The following METTL16 variants were observed in gnomAD, a reference collection of about 807,000 sequenced individuals.
METTL16 encodes methyltransferase 16, RNA N6-adenosine.
Under a neutral mutation model 57.9 loss-of-function variants are expected in METTL16, and 19 were observed. The ratio of observed to expected loss-of-function variants is 0.33; its 90% confidence interval spans 0.23 to 0.48. The LOEUF (loss-of-function observed/expected upper bound fraction) is 0.48. Ranked by LOEUF, METTL16 falls within the 20% of genes least tolerant of loss-of-function variation. The probability of loss-of-function intolerance (pLI) is 0.99; values close to 1 mark genes in which losing one functional copy is unlikely to be tolerated. For synonymous variants in METTL16, 246 were observed against 255.6 expected, an observed-to-expected ratio of 0.96 and a Z score of 0.36; for missense variants, 434 against 691.5, an observed-to-expected ratio of 0.63 and a Z score of 4.18.
intron 6 of METTL16, among the ~76,000 whole-genome samples, chr17:2,461,503 GT>G (rs2067149714): frequency 6.6e-6 from 1 of 151,882 alleles, no homozygotes; most frequent in South Asian, 2.1e-4. Context: ...GATTGAAAAG[GT>G]AGTAGTAGCT....
chr17:2,421,628 T>C (rs1219124126), intron 8 of METTL16, among the ~76,000 whole-genome samples: 2 of 152,136 alleles, frequency 1.3e-5, no homozygotes, highest in African/African-American at 4.8e-5. Context: ...TCATGACAAC[T>C]CGAGGACCCT....
intron 8 of METTL16, among the ~76,000 whole-genome samples, chr17:2,432,079 G>A (rs2066877397): frequency 6.6e-6 from 1 of 152,038 alleles, no homozygotes; most frequent in Admixed American, 6.5e-5. Context: ...GGGGTAGCTG[G>A]GACTATAGGC....
intron 5 of METTL16, among the ~76,000 whole-genome samples, chr17:2,466,380 C>T (rs1376552292): frequency 6.6e-6 from 1 of 152,076 alleles, no homozygotes; most frequent in Non-Finnish European, 1.5e-5. Flanking sequence ...TGCTGTACCA[C>T]AAGTAAACCA....
At position 2,420,172 on chromosome 17, in the gene METTL16, A is replaced by G; in HGVS notation, c.1487T>C (p.Phe496Ser). The G allele has an allele frequency of 6.2e-7, 1 of 1,614,186 alleles. No homozygotes were observed. Among genetic ancestry groups the G allele is most frequent in the South Asian group, 1.1e-5 (1 of 91,072 alleles). Residue 496 changes from phenylalanine to serine, a missense_variant, in exon 10 of 10, where the codon TTC becomes TCC. Phe to Ser is a radical substitution (Grantham distance 155). Around this residue, in one of 5 missense-constraint regions of METTL16, gnomAD observed 168 missense variants for 149.6 expected, o/e 1.12. Transcript: ENST00000263092. This position sits in a 1 kb window ranked among gnomAD's most constrained non-coding sequence, Gnocchi z 5.4. ...CCCCCTTTCAGCCACTGGGCTGCCG[A>G]ACTGCTCAGAAGCCTCTTGGTCCTG... ...GAQDQEASEQ[F>S]GSPVAERGKR...
At chr17:2,491,735 C>A (rs868631140) in intron 2 of METTL16, among the ~76,000 whole-genome samples, 1 of 149,934 alleles carries the variant, frequency 6.7e-6, no homozygotes, top group East Asian at 2.0e-4. Context: ...ATTAGCCAGG[C>A]GTGGTGGTGG....
chr17:2,432,195 C>T (rs185617175), intron 8 of METTL16, among the ~76,000 whole-genome samples: 49 of 152,326 alleles, frequency 3.2e-4, no homozygotes, highest in African/African-American at 1.1e-3. Context: ...CGTGATCCGC[C>T]TGCCTTGGCC....
At chr17:2,468,132 A>G (rs909659768) in intron 4 of METTL16, among the ~76,000 whole-genome samples, 1 of 152,248 alleles carries the variant, frequency 6.6e-6, no homozygotes, top group African/African-American at 2.4e-5. Context: ...ACAGGCTATT[A>G]CACATAGGCC....
In METTL16 at chr17:2,441,650, A is replaced by T. The variant is rs2066952875; in HGVS notation, c.729-91T>A. On this transcript the variant is annotated intron_variant, in intron 6 of 9. Coordinates refer to ENST00000263092, the MANE Select transcript of METTL16 (RefSeq NM_024086.4). ...TTCAAGTGAATAAGATGAGAACAGT[A>T]ACAAACAAACATTGAGTAAGGTCAC... 7 of 678,476 alleles carry T rather than the reference A, an allele frequency of 1.0e-5. No homozygotes were observed. In the South Asian group the frequency reaches 1.8e-4, roughly 17 times the overall value. The allele number at this position is 678,476 out of a possible 1,614,324, so 42.0% of individuals were successfully genotyped here.
At position 2,511,827 on chromosome 17, in the gene METTL16, C is replaced by G. The variant is rs980099258; in HGVS notation, c.-69G>C. The G allele has an allele frequency of 2.5e-6, 1 of 398,534 alleles. No homozygotes were observed. The highest frequency in any genetic ancestry group is 4.4e-5 in the Admixed American group (1 of 22,714). The allele number at this position is 398,534 out of a possible 1,614,324, so 24.7% of individuals were successfully genotyped here. The stretch of plus-strand genomic sequence containing the variant: ...CCTGTACAACCCTAGAATCTTAAAG[C>G]AGCCGCATAGCGAAGCTCCTAGAAA... On this transcript the variant is annotated 5_prime_UTR_variant, in exon 1 of 10. Coordinates refer to ENST00000263092, the MANE Select transcript of METTL16 (RefSeq NM_024086.4).
Position 2,420,367 on chromosome 17 carries a change from G to A in METTL16, c.1292C>T (p.Pro431Leu). 1.2e-6 allele frequency: 2 copies of A among 1,612,352 alleles called. No homozygotes were observed. The highest frequency in any genetic ancestry group is 1.7e-6 in the Non-Finnish European group (2 of 1,180,010). Residue 431 changes from proline to leucine, a missense_variant, in exon 10 of 10, where the codon CCC becomes CTC. Pro to Leu is a moderately conservative substitution (Grantham distance 98). This residue lies in a region of METTL16 where 168 missense variants were observed against 149.6 expected (regional missense o/e 1.12). Transcript: ENST00000263092. The surrounding 1 kb of genome is among the most constrained non-coding windows in gnomAD (Gnocchi z 5.4). ...ELARGPQERT[P>L]CGPALREGEA... ...GCCTTCCCGCAGAGCAGGCCCACAG[G>A]GGGTCCTCTCCTGGGGGCCCCTGGC...
At chr17:2,451,760 A>G (rs1451891917) in intron 6 of METTL16, among the ~76,000 whole-genome samples, 1 of 152,166 alleles carries the variant, frequency 6.6e-6, no homozygotes, top group Non-Finnish European at 1.5e-5. Context: ...TAACAGCATA[A>G]AACAGGTTAA....
At chr17:2,492,055 C>CAA (rs574554788) in intron 2 of METTL16, among the ~76,000 whole-genome samples, 1 of 150,472 alleles carries the variant, frequency 6.6e-6, no homozygotes, top group African/African-American at 2.4e-5. Context: ...ACTAAAAATA[C>CAA]AAAAAATTAG....
At chr17:2,478,527 G>A (rs957804635) in intron 2 of METTL16, among the ~76,000 whole-genome samples, 7 of 152,168 alleles carry the variant, frequency 4.6e-5, no homozygotes, top group Non-Finnish European at 1.0e-4. Flanking sequence ...TCACCTGTAA[G>A]TGTACAATTG....
At chr17:2,459,735 C>T (rs2067136182) in intron 6 of METTL16, among the ~76,000 whole-genome samples, 1 of 152,178 alleles carries the variant, frequency 6.6e-6, no homozygotes. Flanking sequence ...GGCGCAGTGG[C>T]TCATGCCTTT....
At chr17:2,472,114 CAA>C (rs753383514) in intron 4 of METTL16, among the ~76,000 whole-genome samples, 7 of 106,454 alleles carry the variant, frequency 6.6e-5, no homozygotes, top group Non-Finnish European at 4.0e-5. Context: ...AACTAAGTCT[CAA>C]AAAAAAAAAA....
intron 8 of METTL16, among the ~76,000 whole-genome samples, chr17:2,426,703 T>C (rs1169542497): frequency 9.9e-6 from 1 of 101,248 alleles, no homozygotes; most frequent in African/African-American, 3.8e-5. Flanking sequence ...GACTCCAACC[T>C]GGGTGACAGA....
chr17:2,447,289 A>G (rs373008801), intron 6 of METTL16, among the ~76,000 whole-genome samples: 3,238 of 143,524 alleles, frequency 0.023, 8 homozygotes, highest in Admixed American at 0.054. Flanking sequence ...CTGGGAGGTG[A>G]GGAGCGTCTC....
chr17:2,429,742 G>T (rs957841136), intron 8 of METTL16, among the ~76,000 whole-genome samples: 14 of 151,670 alleles, frequency 9.2e-5, no homozygotes, highest in African/African-American at 3.4e-4. Flanking sequence ...CACCTGCAAA[G>T]TATTCTTGCT....
At chr17:2,472,619 A>C (rs2067242417) in intron 4 of METTL16, among the ~76,000 whole-genome samples, 2 of 152,192 alleles carry the variant, frequency 1.3e-5, no homozygotes, top group South Asian at 4.1e-4. Flanking sequence ...GCTAAAAATA[A>C]ATGAGCTTTC....
Sources: gnomAD v4.1 joint callset for allele counts (sites outside exome capture counted in the v4.1 genomes callset) on GRCh38, gnomAD v4.1.1 for gene constraint, gnomAD v4.1.1 regional missense constraint, Gnocchi (gnomAD v3.1) non-coding constraint, MANE v1.5 for transcripts, NCBI Gene and HGNC (gene_info 2026-07-23, HGNC 2026-07-21) for gene names.